RAB43: variants seen among roughly 807,000 people sequenced by gnomAD.
The protein encoded by RAB43 is ras-related protein Rab-43.
Under a neutral mutation model 18.8 loss-of-function variants are expected in RAB43, and 6 were observed. The ratio of observed to expected loss-of-function variants is 0.32; its 90% confidence interval spans 0.17 to 0.63. The LOEUF (loss-of-function observed/expected upper bound fraction) is 0.63, where lower values mean the gene tolerates loss of function less well. Among genes scored for constraint, RAB43 ranks in the 30% least tolerant of loss-of-function variants. RAB43 has a pLI of 0.79. For synonymous variants in RAB43, 103 were observed against 124.1 expected, an observed-to-expected ratio of 0.83 and a Z score of 1.13; for missense variants, 195 against 289.1, an observed-to-expected ratio of 0.67 and a Z score of 2.36.
At position 129,087,643 on chromosome 3, in the gene RAB43, A is replaced by G. The variant is rs1933430120; in HGVS notation, c.*3453T>C. 1 of 152,074 alleles carries G rather than the reference A, an allele frequency of 6.6e-6. No individual in the cohort carries two copies. The highest frequency in any genetic ancestry group is 1.5e-5 in the Non-Finnish European group (1 of 67,992). 9.4% of individuals were successfully genotyped at this position (152,074 alleles called of 1,614,324 possible). A position where few individuals can be genotyped will look rare whatever the true frequency, so the allele number is the denominator to read the frequency against. ...GCTCTGCCAAGTTTCCATAAAGGCA[A>G]CTTTTCCATGTTTTAAAAAATAGAT... is the stretch of plus-strand genomic sequence containing the variant. On this transcript the variant is annotated 3_prime_UTR_variant, in exon 3 of 3. Coordinates refer to ENST00000315150, the MANE Select transcript of RAB43 (RefSeq NM_198490.3).
At chr3:129,118,624 G>T (rs929916967) in intron 1 of RAB43, among the ~76,000 whole-genome samples, 2 of 152,180 alleles carry the variant, frequency 1.3e-5, no homozygotes, top group Non-Finnish European at 2.9e-5. Flanking sequence ...GAAAGCTTTA[G>T]GATATAAGAC....
intron 1 of RAB43, among the ~76,000 whole-genome samples, chr3:129,118,746 C>A (rs1031132161): frequency 2.6e-5 from 4 of 152,136 alleles, no homozygotes; most frequent in Non-Finnish European, 5.9e-5. Flanking sequence ...AGGCTCATCT[C>A]GAACTCTTGA....
chr3:129,093,638 G>T (rs1451450095), intron 2 of RAB43, among the ~76,000 whole-genome samples: 2 of 152,066 alleles, frequency 1.3e-5, no homozygotes, highest in African/African-American at 2.4e-5. Flanking sequence ...GTGGGGAAAT[G>T]GTTAGGCTAC....
At chr3:129,116,395 C>T (rs1354612272) in intron 1 of RAB43, among the ~76,000 whole-genome samples, 4 of 152,208 alleles carry the variant, frequency 2.6e-5, no homozygotes, top group East Asian at 3.8e-4. Context: ...AAAATCAGCA[C>T]GACCTAGAAC....
Position 129,095,219 on chromosome 3 carries a change from G to T in RAB43, c.205-50C>A. ...AACCCAGTGGCACAGGCTGAACATG[G>T]GGACAGGCAGAGTGACCCCACAGAC... is the stretch of plus-strand genomic sequence containing the variant. On this transcript the variant is annotated intron_variant, in intron 1 of 2. Transcript: ENST00000315150. This position sits in a 1 kb window ranked among gnomAD's most constrained non-coding sequence, Gnocchi z 4.2. 2 of 1,582,020 alleles carry T rather than the reference G, an allele frequency of 1.3e-6. No homozygotes were observed. Among genetic ancestry groups the T allele is most frequent in the East Asian group, 2.3e-5 (1 of 44,394 alleles).
At chr3:129,119,730 G>A (rs1269037706) in intron 1 of RAB43, among the ~76,000 whole-genome samples, 1 of 152,158 alleles carries the variant, frequency 6.6e-6, no homozygotes, top group African/African-American at 2.4e-5. Context: ...TGCATAACCC[G>A]TGCGCAGTAA....
chr3:129,106,574 A>G (rs1404799050), intron 1 of RAB43, among the ~76,000 whole-genome samples: 1 of 152,244 alleles, frequency 6.6e-6, no homozygotes, highest in Non-Finnish European at 1.5e-5. Context: ...CTAAGGACAC[A>G]GCCTGCCACC....
chr3:129,093,799 T>C (rs771424468), intron 2 of RAB43, among the ~76,000 whole-genome samples: 1 of 152,114 alleles, frequency 6.6e-6, no homozygotes, highest in Non-Finnish European at 1.5e-5. Flanking sequence ...AATCAACCTG[T>C]TGGCCCAGCT....
chr3:129,121,555 C>T lies in RAB43; in HGVS notation c.-66G>A, dbSNP rs1935936010. 12 of 1,381,728 alleles carry T rather than the reference C, an allele frequency of 8.7e-6. No individual in the cohort carries two copies. Among genetic ancestry groups the T allele is most frequent in the South Asian group, 5.6e-5 (4 of 71,962 alleles). 85.6% of individuals were successfully genotyped at this position (1,381,728 alleles called of 1,614,324 possible). A position where few individuals can be genotyped will look rare whatever the true frequency, so the allele number is the denominator to read the frequency against. The stretch of plus-strand genomic sequence containing the variant: ...GACCGGCCTGAGCTCACGCAAGCCG[C>T]GGGCCGAGCTCCGCCCGCTCCAGCC... On this transcript the variant is annotated 5_prime_UTR_variant, in exon 1 of 3. Transcript: ENST00000315150.
chr3:129,100,683 C>T lies in RAB43; in HGVS notation c.205-5514G>A, dbSNP rs79540779. On this transcript the variant is annotated intron_variant, in intron 1 of 2. Coordinates refer to ENST00000315150, the MANE Select transcript of RAB43 (RefSeq NM_198490.3). Reference sequence around the variant, plus strand: ...TTCCCATGGCTGGTAGTATTCCCATCCTATTCCCCCAAATTAGAGGAAGGG... The same window carrying T: ...TTCCCATGGCTGGTAGTATTCCCATTCTATTCCCCCAAATTAGAGGAAGGG... Among the ~76,000 whole-genome samples the T allele has an allele frequency of 2.2e-3, 337 of 152,300 alleles. 1 individual carries two copies. Among genetic ancestry groups the T allele is most frequent in the African/African-American group, 7.7e-3 (320 of 41,568 alleles).
chr3:129,118,645 C>G (rs904624052), intron 1 of RAB43, among the ~76,000 whole-genome samples: 2 of 152,162 alleles, frequency 1.3e-5, no homozygotes, highest in African/African-American at 4.8e-5. Context: ...TGGATGCTTG[C>G]TGGACAAGCA....
At position 129,091,311 on chromosome 3, in the gene RAB43, A is replaced by G; in HGVS notation, c.424T>C (p.Ser142Pro). ...KSDLSELREV[S>P]LAEAQSLAEH... ...GCCAGGCTCTGTGCCTCAGCCAAGGAGACCTCCCGAAGCTCGCTGAGGTCT... is the reference window on the plus strand; with the variant it reads ...GCCAGGCTCTGTGCCTCAGCCAAGGGGACCTCCCGAAGCTCGCTGAGGTCT... Residue 142 changes from serine to proline, a missense_variant, in exon 3 of 3, where the codon TCC becomes CCC. By Grantham distance (74) the Ser-to-Pro change is moderately conservative (BLOSUM62 -1). Coordinates refer to ENST00000315150, the MANE Select transcript of RAB43 (RefSeq NM_198490.3). 1.2e-6 allele frequency: 2 copies of G among 1,600,524 alleles called. No homozygotes were observed. Among genetic ancestry groups the G allele is most frequent in the Non-Finnish European group, 8.5e-7 (1 of 1,173,526 alleles).
intron 1 of RAB43, among the ~76,000 whole-genome samples, chr3:129,115,726 C>A (rs1442843776): frequency 1.3e-5 from 2 of 152,024 alleles, no homozygotes; most frequent in African/African-American, 4.8e-5. Context: ...GAGGCTGAGG[C>A]AGGAGAATCG....
rs1250086046 is a variant in RAB43 at position 129,089,913 on chromosome 3, G to A, written c.*1183C>T. The A allele has an allele frequency of 1.4e-5, 2 of 147,522 alleles. No homozygotes were observed. Among genetic ancestry groups the A allele is most frequent in the Non-Finnish European group, 1.5e-5 (1 of 67,028 alleles). 9.1% of individuals were successfully genotyped at this position (147,522 alleles called of 1,614,324 possible). A position where few individuals can be genotyped will look rare whatever the true frequency, so the allele number is the denominator to read the frequency against. Reference sequence around the variant, plus strand: ...TGAGGGGGCTGCGAGGCAGAGCTGGGCTGACACAGACGGACTGGGATTGGC... The same window carrying A: ...TGAGGGGGCTGCGAGGCAGAGCTGGACTGACACAGACGGACTGGGATTGGC... On this transcript the variant is annotated 3_prime_UTR_variant, in exon 3 of 3. Transcript: ENST00000315150.
intron 2 of RAB43, chr3:129,092,684 C>T (rs188647667): frequency 6.8e-4 from 309 of 452,070 alleles, no homozygotes; most frequent in African/African-American, 5.2e-3. Context: ...AGGCCGGGCG[C>T]GGTGGCTCAC....
chr3:129,094,351 T>G (rs1284231157), intron 2 of RAB43, among the ~76,000 whole-genome samples: 1 of 152,066 alleles, frequency 6.6e-6, no homozygotes, highest in Non-Finnish European at 1.5e-5. Flanking sequence ...TGGACCCGGA[T>G]AAATCACTGC....
At position 129,090,836 on chromosome 3, in the gene RAB43, G is replaced by A. The variant is rs1211912723; in HGVS notation, c.*260C>T. The A allele has an allele frequency of 5.6e-6, 2 of 354,818 alleles. No individual in the cohort carries two copies. The highest frequency in any genetic ancestry group is 1.0e-5 in the Non-Finnish European group (2 of 194,400). 22.0% of individuals were successfully genotyped at this position (354,818 alleles called of 1,614,324 possible). On this transcript the variant is annotated 3_prime_UTR_variant, in exon 3 of 3. Coordinates refer to ENST00000315150, the MANE Select transcript of RAB43 (RefSeq NM_198490.3). ...CCCTCCTACTGTGGCCCACACCGGC[G>A]GGTTCAGGCCAGTCTTGGAATGTGA... is the stretch of plus-strand genomic sequence containing the variant.
intron 1 of RAB43, among the ~76,000 whole-genome samples, chr3:129,098,880 C>T (rs1203481079): frequency 6.6e-6 from 1 of 152,022 alleles, no homozygotes; most frequent in Non-Finnish European, 1.5e-5. Context: ...GAAGACCAGC[C>T]TGGCCAACAT....
intron 1 of RAB43, among the ~76,000 whole-genome samples, chr3:129,099,812 A>C (rs941520226): frequency 2.6e-5 from 4 of 152,214 alleles, no homozygotes; most frequent in African/African-American, 9.6e-5. Context: ...CTGAAGAAAA[A>C]TCAATAAAGA....
Sources: allele counts gnomAD v4.1 joint callset (sites outside exome capture counted in the v4.1 genomes callset), GRCh38; gene constraint gnomAD v4.1.1; non-coding constraint Gnocchi (gnomAD v3.1); transcripts MANE v1.5; gene names NCBI Gene and HGNC (gene_info 2026-07-23, HGNC 2026-07-21).